The following CR1L variants were observed in gnomAD, a reference collection of about 807,000 sequenced individuals.
CR1L encodes the protein complement component receptor 1-like protein.
A neutral mutation model predicts 62.3 loss-of-function variants in CR1L; 59 were observed. That is an observed-to-expected ratio of 0.95 (90% confidence interval 0.77 to 1.18). CR1L has a LOEUF of 1.18. Among genes scored for constraint, CR1L ranks in the 50% most tolerant of loss-of-function variants. The probability of loss-of-function intolerance (pLI) is 0.00; values close to 1 mark genes in which losing one functional copy is unlikely to be tolerated. For synonymous variants in CR1L, 279 were observed against 248.7 expected (o/e 1.12, Z -1.15); for missense variants, 700 against 702.8 (o/e 1.00, Z 0.04).
In CR1L at chr1:207,697,617, G is replaced by C. The variant is rs114605476; in HGVS notation, c.977G>C (p.Gly326Ala). The C allele has an allele frequency of 1.1e-5, 17 of 1,613,958 alleles. No individual in the cohort carries two copies. The highest frequency in any genetic ancestry group is 1.7e-5 in the Admixed American group (1 of 60,026). ...TGTGAGCCCGGCTACGACCTCAGAG[G>C]ATCTACGTATTTGCACTGCACACCC... ...YSCEPGYDLR[G>A]STYLHCTPQG... Residue 326 changes from glycine to alanine, a missense_variant, in exon 6 of 12, where the codon GGA becomes GCA. Gly to Ala is a moderately conservative substitution (Grantham distance 60). Transcript: ENST00000508064.
chr1:207,658,276 GAT>G (rs1663348936), intron 1 of CR1L, among the ~76,000 whole-genome samples: 1 of 146,536 alleles, frequency 6.8e-6, no homozygotes, highest in Non-Finnish European at 1.5e-5. Flanking sequence ...AAATGATAAA[GAT>G]AGAGCCAAAA....
At chr1:207,717,825 A>T in intron 11 of CR1L, 134 bp downstream of exon 11, 1 of 1,088,872 alleles carries the variant, frequency 9.2e-7, no homozygotes, top group South Asian at 1.5e-5. Context: ...ACTACCTCCC[A>T]AGTGAATGAC....
Position 207,663,348 on chromosome 1 carries a change from C to A in CR1L, c.98-14041C>A, listed in dbSNP as rs143815177. ...CTACTCAAGCCTCGGCAATGGTGGGCGCCCCTCCCCCAGCCTCACTGCTGC... is the reference window on the plus strand; with the variant it reads ...CTACTCAAGCCTCGGCAATGGTGGGAGCCCCTCCCCCAGCCTCACTGCTGC... On this transcript the variant is annotated intron_variant, in intron 1 of 11. Coordinates refer to ENST00000508064, the MANE Select transcript of CR1L (RefSeq NM_175710.2). Among the ~76,000 whole-genome samples, 345 of 152,284 alleles carry A rather than the reference C, an allele frequency of 2.3e-3. 1 individual carries two copies. The highest frequency in any genetic ancestry group is 7.9e-3 in the African/African-American group (329 of 41,546).
At chr1:207,683,055 CTTCT>C (rs1009878576) in intron 3 of CR1L, among the ~76,000 whole-genome samples, 31 of 120,574 alleles carry the variant, frequency 2.6e-4, no homozygotes, top group East Asian at 9.4e-4. Context: ...TCCTTCCTTC[CTTCT>C]TTCTTTCTTT....
chr1:207,672,622 C>T (rs1308002470), intron 1 of CR1L, among the ~76,000 whole-genome samples: 1 of 152,062 alleles, frequency 6.6e-6, no homozygotes, highest in Non-Finnish European at 1.5e-5. Context: ...AAAAGACATT[C>T]TCTGGCTCAC....
At chr1:207,689,368 AGT>A (rs1202372563) in intron 4 of CR1L, among the ~76,000 whole-genome samples, 1 of 151,652 alleles carries the variant, frequency 6.6e-6, no homozygotes, top group Non-Finnish European at 1.5e-5. Context: ...AATGTGTGTG[AGT>A]GTGTGTGTGG....
intron 1 of CR1L, chr1:207,657,290 G>A: frequency 9.7e-6 from 14 of 1,444,136 alleles, no homozygotes; most frequent in Non-Finnish European, 1.4e-5. Flanking sequence ...TGACAATTCA[G>A]TATGGAATCA....
At position 207,677,509 on chromosome 1, in the gene CR1L, C is replaced by G. The variant is rs750728001; in HGVS notation, c.218C>G (p.Pro73Arg). 2.1e-5 allele frequency: 34 copies of G among 1,613,642 alleles called. 1 individual carries two copies. The Admixed American group carries it at 2.8e-4, about 13-fold the overall frequency. ...TGCCGCCCTGGTTATTCCGGAAGACCGTTTTCTATCATCTGCCTAAAAAAC... is the reference window on the plus strand; with the variant it reads ...TGCCGCCCTGGTTATTCCGGAAGACGGTTTTCTATCATCTGCCTAAAAAAC... ...YECRPGYSGR[P>R]FSIICLKNSV... The change falls in exon 2 of 12, where the codon CCG becomes CGG. Residue 73 changes from proline (P) to arginine (R), a missense_variant. Physicochemically the swap from Pro to Arg is moderately radical, Grantham distance 103. Transcript: ENST00000508064.
chr1:207,719,758 CTAA>C (rs1218879351), intron 11 of CR1L, among the ~76,000 whole-genome samples: 1 of 151,986 alleles, frequency 6.6e-6, no homozygotes, highest in Non-Finnish European at 1.5e-5. Flanking sequence ...AAGATAGCTT[CTAA>C]TTTAATTACA....
chr1:207,688,032 G>A (rs374726454), intron 4 of CR1L, among the ~76,000 whole-genome samples: 98 of 152,232 alleles, frequency 6.4e-4, no homozygotes, highest in Middle Eastern at 3.4e-3. Flanking sequence ...TAGCACTTTG[G>A]GAGGCCAAGG....
chr1:207,655,383 G>T, intron 1 of CR1L: 2 of 349,088 alleles, frequency 5.7e-6, no homozygotes, highest in South Asian at 3.9e-5. Context: ...TCCCAAAGAG[G>T]TTTCTTTTAT....
intron 11 of CR1L, among the ~76,000 whole-genome samples, chr1:207,721,761 C>T (rs1368661028): frequency 1.3e-5 from 2 of 151,918 alleles, no homozygotes; most frequent in African/African-American, 2.4e-5. Flanking sequence ...GCTGAGGAAT[C>T]GCCACACTGA....
chr1:207,670,871 C>G (rs1274213652), intron 1 of CR1L, among the ~76,000 whole-genome samples: 1 of 150,998 alleles, frequency 6.6e-6, no homozygotes, highest in African/African-American at 2.5e-5. Flanking sequence ...ACAGCCTAAA[C>G]TAAACTACCT....
In CR1L at chr1:207,645,339, C is replaced by A; in HGVS notation, c.97+9C>A. ...GCTGTCCTCCTTCTCCGGTAGGACC[C>A]CGGGGTGGATTCGCGCGTCCGCGGC... is the stretch of plus-strand genomic sequence containing the variant. On this transcript the variant is annotated intron_variant, in intron 1 of 11. Coordinates refer to ENST00000508064, the MANE Select transcript of CR1L (RefSeq NM_175710.2). The A allele has an allele frequency of 6.2e-7, 1 of 1,613,602 alleles. No homozygotes were observed. The highest frequency in any genetic ancestry group is 8.5e-7 in the Non-Finnish European group (1 of 1,179,610).
At chr1:207,693,655 G>A (rs1664028276) in intron 4 of CR1L, among the ~76,000 whole-genome samples, 1 of 152,044 alleles carries the variant, frequency 6.6e-6, no homozygotes, top group Admixed American at 6.6e-5. Context: ...ACTTAGATTT[G>A]AGTAAATGAG....
At chr1:207,692,680 C>G (rs1292359896) in intron 4 of CR1L, among the ~76,000 whole-genome samples, 1 of 151,758 alleles carries the variant, frequency 6.6e-6, no homozygotes, top group East Asian at 1.9e-4. Context: ...GGGTCATACT[C>G]TGGTCCCCAA....
intron 9 of CR1L, among the ~76,000 whole-genome samples, chr1:207,702,316 C>G (rs1442593929): frequency 6.6e-6 from 1 of 152,198 alleles, no homozygotes; most frequent in Non-Finnish European, 1.5e-5. Flanking sequence ...TTTGACTGCT[C>G]CATGGACAAG....
chr1:207,651,851 T>G (rs756225029), intron 1 of CR1L, among the ~76,000 whole-genome samples: 4 of 152,226 alleles, frequency 2.6e-5, no homozygotes, highest in Non-Finnish European at 5.9e-5. Context: ...ACAATTCATG[T>G]AAGTCTATCC....
intron 8 of CR1L, 55 bp from the exon 9 acceptor site, chr1:207,701,464 A>G: frequency 6.2e-7 from 1 of 1,602,442 alleles, no homozygotes; most frequent in Non-Finnish European, 8.5e-7. Flanking sequence ...GACCTTACGT[A>G]CTGAAGAGAG....
Sources: gnomAD v4.1 joint callset for allele counts (sites outside exome capture counted in the v4.1 genomes callset) on GRCh38, gnomAD v4.1.1 for gene constraint, MANE v1.5 for transcripts, NCBI Gene and HGNC (gene_info 2026-07-23, HGNC 2026-07-21) for gene names.